MCM5: variants seen among roughly 807,000 people sequenced by gnomAD.
MCM5 encodes the protein minichromosome maintenance complex component 5.
In MCM5, 46 loss-of-function variants were observed where a neutral mutation model predicts 79.9. The ratio of observed to expected loss-of-function variants is 0.58; its 90% CI spans 0.45 to 0.74. The LOEUF (loss-of-function observed/expected upper bound fraction) is 0.74, where lower values mean the gene tolerates loss of function less well. Among genes scored for constraint, MCM5 ranks in the 30% least tolerant of loss-of-function variants. The probability of loss-of-function intolerance (pLI) is 0.00; values close to 1 mark genes in which losing one functional copy is unlikely to be tolerated. For missense variants in MCM5, 883 were observed against 1,017.0 expected, an observed-to-expected ratio of 0.87 and a Z score of 1.79; for synonymous variants, 404 against 390.5, an observed-to-expected ratio of 1.03 and a Z score of -0.41.
At chr22:35,419,565 G>A (rs1293015001) in intron 13 of MCM5, among the ~76,000 whole-genome samples, 6 of 152,236 alleles carry the variant, frequency 3.9e-5, no homozygotes, top group Non-Finnish European at 7.3e-5. Context: ...ATGTATGGGG[G>A]ACCTTGTGGC....
chr22:35,427,100 C>T (rs181773458), downstream of MCM5, among the ~76,000 whole-genome samples: 20 of 152,296 alleles, frequency 1.3e-4, no homozygotes, highest in African/African-American at 3.8e-4. Flanking sequence ...GAAGCCTAAG[C>T]GCAGGTATCA....
At chr22:35,405,084 G>A (rs1272521486) in intron 4 of MCM5, among the ~76,000 whole-genome samples, 1 of 146,398 alleles carries the variant, frequency 6.8e-6, no homozygotes, top group Non-Finnish European at 1.5e-5. Context: ...GGAGTGCAGT[G>A]GCACGATCTC....
intron 5 of MCM5, among the ~76,000 whole-genome samples, chr22:35,407,403 C>T (rs1932250584): frequency 1.3e-5 from 2 of 152,072 alleles, no homozygotes; most frequent in East Asian, 1.9e-4. Flanking sequence ...GTTTTCCACC[C>T]AGCAGCCAGG....
rs183901751 is a variant in MCM5 at position 35,419,985 on chromosome 22, G to A, written c.1805G>A (p.Arg602His). 3.7e-5 allele frequency: 60 copies of A among 1,612,168 alleles called. No homozygotes were observed. In the East Asian group the frequency reaches 6.7e-4, roughly 18 times the overall value. The change falls in exon 14 of 17, where the codon CGC (arginine) becomes CAC (histidine). Residue 602 changes from arginine to histidine, a missense_variant. Physicochemically the swap from Arg to His is conservative, Grantham distance 29 (BLOSUM62 0). This residue lies in a region of MCM5 where 426 missense variants were observed against 482.3 expected (regional missense o/e 0.88). Coordinates refer to ENST00000216122, the MANE Select transcript of MCM5 (RefSeq NM_006739.4). ...GARQHERDSD[R>H]RSSIPITVRQ... ...CGTCAGCACGAGAGGGACAGTGACC[G>A]CCGCTCCAGCATCCCCATCACTGTG...
Position 35,417,848 on chromosome 22 carries a change from C to A in MCM5, c.1695C>A (p.Tyr565Ter), listed in dbSNP as rs766862925. ...DLAKLKKFIA[Y>*]CRVKCGPRLS... ...CCAAGCTGAAGAAGTTTATTGCCTA[C>A]TGCCGAGTGTGAGTCCTGGACGCAG... The change falls in exon 13 of 17, where the codon TAC (tyrosine) becomes TAA (stop). Residue 565 changes from tyrosine (Y) to a stop codon, truncating the protein, a stop_gained. Transcript: ENST00000216122. LOFTEE classifies it high-confidence loss of function. The A allele has an allele frequency of 6.2e-7, 1 of 1,613,770 alleles. No homozygotes were observed. The highest frequency in any genetic ancestry group is 8.5e-7 in the Non-Finnish European group (1 of 1,179,688).
the MCM5 span, among the ~76,000 whole-genome samples, chr22:35,439,285 A>G: frequency 6.6e-6 from 1 of 151,888 alleles, no homozygotes; most frequent in East Asian, 1.9e-4. Context: ...CCATCCATCC[A>G]TCTACCTGCA....
chr22:35,408,593 C>G, intron 6 of MCM5, 30 bp downstream of exon 6: 1 of 1,591,380 alleles, frequency 6.3e-7, no homozygotes, highest in South Asian at 1.1e-5. Context: ...AGGTGGGCAT[C>G]TACGACGGTG....
At position 35,417,758 on chromosome 22, in the gene MCM5, T is replaced by C; in HGVS notation, c.1605T>C (p.His535=). 1 of 1,613,864 alleles carries C rather than the reference T, an allele frequency of 6.2e-7. No homozygotes were observed. The highest frequency in any genetic ancestry group is 8.5e-7 in the Non-Finnish European group (1 of 1,179,736). The part of the protein sequence containing the change: ...NEERDVMLAK[H]VITLHVSALT... ...CTGCTCTCCAGATGCTGGCCAAGCA[T>C]GTCATCACTCTGCACGTGAGCGCAC... The change falls in exon 13 of 17, where the codon CAT becomes CAC. Residue 535 remains histidine (H), a synonymous_variant. Transcript: ENST00000216122.
the MCM5 span, among the ~76,000 whole-genome samples, chr22:35,441,626 A>G: frequency 6.6e-6 from 1 of 152,048 alleles, no homozygotes; most frequent in Non-Finnish European, 1.5e-5. Flanking sequence ...GTGGGGGTAT[A>G]TGGGCAGAGG....
chr22:35,413,848 C>CT, intron 8 of MCM5, 27 bp from the exon 9 acceptor site: 1 of 1,349,754 alleles, frequency 7.4e-7, no homozygotes, highest in East Asian at 2.3e-5. Context: ...GGATTCTCAC[C>CT]TTGTCCATCT....
At chr22:35,436,188 A>G in the MCM5 span, among the ~76,000 whole-genome samples, 7 of 151,620 alleles carry the variant, frequency 4.6e-5, no homozygotes, top group African/African-American at 9.7e-5. Flanking sequence ...AAAAAAGAAA[A>G]AAAGAAAATG....
chr22:35,412,776 T>C (rs2145792708), intron 8 of MCM5, 95 bp downstream of exon 8: 4 of 1,107,004 alleles, frequency 3.6e-6, no homozygotes, highest in Non-Finnish European at 3.5e-6. Flanking sequence ...GCACTCTTTT[T>C]TGTATTTCCT....
the MCM5 span, among the ~76,000 whole-genome samples, chr22:35,449,173 G>C: frequency 6.6e-6 from 1 of 152,182 alleles, no homozygotes; most frequent in Non-Finnish European, 1.5e-5. Context: ...TGAGGCGTCT[G>C]CTTCTCAGGG....
In MCM5 at chr22:35,415,819, A is replaced by T. The variant is rs749300600; in HGVS notation, c.1204-10A>T. 1.9e-6 allele frequency: 3 copies of T among 1,608,192 alleles called. No individual in the cohort carries two copies. The Admixed American group carries it at 5.0e-5, about 27-fold the overall frequency. On this transcript the variant is annotated splice_polypyrimidine_tract_variant and intron_variant, in intron 9 of 16. Coordinates refer to ENST00000216122, the MANE Select transcript of MCM5 (RefSeq NM_006739.4). ...TGTTATTGGGCCCTGACACCACCCC[A>T]CTGCCCCAGGTATACACGTCTGGGA... is the stretch of plus-strand genomic sequence containing the variant.
Position 35,406,701 on chromosome 22 carries a change from A to G in MCM5, c.572A>G (p.Tyr191Cys), listed in dbSNP as rs748716384. The G allele has an allele frequency of 5.6e-6, 9 of 1,609,180 alleles. No individual in the cohort carries two copies. The highest frequency in any genetic ancestry group is 1.3e-5 in the African/African-American group (1 of 74,938). Residue 191 changes from tyrosine to cysteine, a missense_variant, in exon 5 of 17, where the codon TAT (tyrosine) becomes TGT (cysteine). Coordinates refer to ENST00000216122, the MANE Select transcript of MCM5 (RefSeq NM_006739.4). ...NIAMRPGLEG[Y>C]ALPRKCNTDQ... ...GCCATGCGCCCTGGCCTCGAGGGCT[A>G]TGCCCTGCCCAGGAAGTGCAACACG... is the stretch of plus-strand genomic sequence containing the variant.
At chr22:35,418,948 C>T (rs890907352) in intron 13 of MCM5, among the ~76,000 whole-genome samples, 1 of 152,176 alleles carries the variant, frequency 6.6e-6, no homozygotes, top group Non-Finnish European at 1.5e-5. Context: ...AGGCTGTGCT[C>T]TTAACCACAG....
At position 35,406,469 on chromosome 22, in the gene MCM5, C is replaced by T. The variant is rs141778747; in HGVS notation, c.424-84C>T. 473 of 1,333,764 alleles carry T rather than the reference C, an allele frequency of 3.5e-4. 1 individual carries two copies. The African/African-American group carries it at 6.1e-3, about 17-fold the overall frequency. The allele number at this position is 1,333,764 out of a possible 1,614,324, so 82.6% of individuals were successfully genotyped here. On this transcript the variant is annotated intron_variant, in intron 4 of 16. Transcript: ENST00000216122. Reference sequence around the variant, plus strand: ...CAGCTCTGTGCCCACCTCCTCCAGGCTCCTGCCCAGGATATTTACTGGCAT... The same window carrying T: ...CAGCTCTGTGCCCACCTCCTCCAGGTTCCTGCCCAGGATATTTACTGGCAT...
Position 35,415,814 on chromosome 22 carries a change from A to G in MCM5, c.1204-15A>G. On this transcript the variant is annotated splice_polypyrimidine_tract_variant and intron_variant, in intron 9 of 16. Transcript: ENST00000216122. ...GGAGTTGTTATTGGGCCCTGACACCACCCCACTGCCCCAGGTATACACGTC... is the reference window on the plus strand; with the variant it reads ...GGAGTTGTTATTGGGCCCTGACACCGCCCCACTGCCCCAGGTATACACGTC... The G allele has an allele frequency of 6.2e-7, 1 of 1,606,406 alleles. No homozygotes were observed. The highest frequency in any genetic ancestry group is 8.5e-7 in the Non-Finnish European group (1 of 1,175,078).
intron 15 of MCM5, chr22:35,421,890 C>T (rs1932704014): frequency 6.9e-6 from 2 of 289,016 alleles, no homozygotes; most frequent in South Asian, 3.3e-5. Context: ...TCGAAGGGGC[C>T]TTTCCCTGGT....
Sources: allele counts gnomAD v4.1 joint callset (sites outside exome capture counted in the v4.1 genomes callset), GRCh38; gene constraint gnomAD v4.1.1; regional missense constraint gnomAD v4.1.1; transcripts MANE v1.5; gene names NCBI Gene and HGNC (gene_info 2026-07-23, HGNC 2026-07-21).